PDE3B: variants seen among roughly 807,000 people sequenced by gnomAD.
The protein encoded by PDE3B is phosphodiesterase 3B, also known as cGMP-inhibited 3',5'-cyclic phosphodiesterase 3B.
PDE3B carries 66 observed loss-of-function variants against 116.8 expected under a neutral mutation model. That is an observed-to-expected ratio of 0.56 (90% CI 0.46 to 0.69). The LOEUF (loss-of-function observed/expected upper bound fraction) is 0.69. PDE3B is among the 30% of genes least tolerant of loss of function. The pLI, the probability that PDE3B is intolerant of heterozygous loss-of-function variation, is 0.00. For synonymous variants in PDE3B, 595 were observed against 533.6 expected (o/e 1.12, Z -1.59); for missense variants, 1,384 against 1,368.1 (o/e 1.01, Z -0.18).
intron 1 of PDE3B, among the ~76,000 whole-genome samples, chr11:14,666,907 C>T: frequency 6.6e-6 from 1 of 152,032 alleles, no homozygotes. Context: ...CTAGAAATAC[C>T]ATTTGACCCA....
intron 1 of PDE3B, among the ~76,000 whole-genome samples, chr11:14,724,059 A>G (rs774904809): frequency 6.6e-6 from 1 of 152,188 alleles, no homozygotes; most frequent in Non-Finnish European, 1.5e-5. Context: ...CATAGTGGCT[A>G]TGGGGAGACT....
intron 11 of PDE3B, among the ~76,000 whole-genome samples, chr11:14,835,541 T>C (rs377533768): frequency 3.5e-4 from 53 of 152,150 alleles, no homozygotes; most frequent in African/African-American, 1.3e-3. Flanking sequence ...AGTATTTCAA[T>C]GATGACATTA....
intron 1 of PDE3B, among the ~76,000 whole-genome samples, chr11:14,678,637 C>A (rs999185261): frequency 6.6e-6 from 1 of 152,042 alleles, no homozygotes; most frequent in African/African-American, 2.4e-5. Flanking sequence ...TATATATCAT[C>A]TTTGGTTAAG....
chr11:14,722,173 G>A (rs1856131910), intron 1 of PDE3B, among the ~76,000 whole-genome samples: 2 of 151,056 alleles, frequency 1.3e-5, no homozygotes, highest in South Asian at 4.2e-4. Flanking sequence ...ATAGGGGGAC[G>A]GGGGAGGGAA....
the PDE3B span, among the ~76,000 whole-genome samples, chr11:14,896,244 G>A: frequency 1.3e-5 from 2 of 152,156 alleles, no homozygotes; most frequent in African/African-American, 4.8e-5. Context: ...TCTTCCAAAT[G>A]CAGTAACAGA....
At chr11:14,798,364 T>A (rs2133928556) in intron 4 of PDE3B, among the ~76,000 whole-genome samples, 1 of 152,376 alleles carries the variant, frequency 6.6e-6, no homozygotes, top group Non-Finnish European at 1.5e-5. Context: ...CATATCGATG[T>A]TCACCAGGGA....
intron 12 of PDE3B, among the ~76,000 whole-genome samples, chr11:14,846,777 CAAG>C (rs1443958227): frequency 6.6e-6 from 1 of 152,090 alleles, no homozygotes; most frequent in Non-Finnish European, 1.5e-5. Context: ...ATCAATTCAA[CAAG>C]AAGAGCTAAC....
intron 1 of PDE3B, among the ~76,000 whole-genome samples, chr11:14,689,001 G>T (rs953262962): frequency 2.6e-5 from 4 of 152,148 alleles, no homozygotes; most frequent in Admixed American, 2.6e-4. Flanking sequence ...TCGAACTCCT[G>T]ACCTCAGGTG....
intron 1 of PDE3B, among the ~76,000 whole-genome samples, chr11:14,702,102 A>G (rs1330749354): frequency 6.6e-6 from 1 of 150,544 alleles, no homozygotes; most frequent in Non-Finnish European, 1.5e-5. Flanking sequence ...TTTTTCTCCT[A>G]TAGTTTATCT....
intron 1 of PDE3B, among the ~76,000 whole-genome samples, chr11:14,667,024 G>T (rs1590045712): frequency 6.6e-6 from 1 of 151,968 alleles, no homozygotes; most frequent in Admixed American, 6.6e-5. Context: ...GCAAAGACTT[G>T]GAACCAACCC....
chr11:14,673,151 T>C (rs1854423613), intron 1 of PDE3B, among the ~76,000 whole-genome samples: 1 of 152,016 alleles, frequency 6.6e-6, no homozygotes, highest in Admixed American at 6.6e-5. Context: ...GGATGGGCTC[T>C]TTACTTTAAG....
chr11:14,883,503 C>T, the PDE3B span, among the ~76,000 whole-genome samples: 1 of 151,214 alleles, frequency 6.6e-6, no homozygotes, highest in African/African-American at 2.4e-5. Context: ...GAAACTGGAT[C>T]CCTTCCTTAC....
At chr11:14,802,105 C>T (rs1858789831) in intron 4 of PDE3B, among the ~76,000 whole-genome samples, 1 of 152,214 alleles carries the variant, frequency 6.6e-6, no homozygotes, top group South Asian at 2.1e-4. Context: ...GACCACTTGG[C>T]TCCCTGGCTT....
chr11:14,895,112 A>G, the PDE3B span, among the ~76,000 whole-genome samples: 748 of 152,254 alleles, frequency 4.9e-3, 5 homozygotes, highest in African/African-American at 0.017. Context: ...ATCAAGTGAG[A>G]TTCTCCTGGG....
the PDE3B span, among the ~76,000 whole-genome samples, chr11:14,889,992 G>A: frequency 6.6e-6 from 1 of 152,058 alleles, no homozygotes; most frequent in Non-Finnish European, 1.5e-5. Flanking sequence ...AGCCGGGCGT[G>A]GTGGCGAGCA....
chr11:14,793,356 C>G (rs1858449247), intron 4 of PDE3B, among the ~76,000 whole-genome samples: 1 of 152,026 alleles, frequency 6.6e-6, no homozygotes, highest in Admixed American at 6.6e-5. Context: ...ATACACATAG[C>G]CTGAACGTGA....
the PDE3B span, among the ~76,000 whole-genome samples, chr11:14,889,813 C>T: frequency 5.9e-5 from 9 of 152,080 alleles, no homozygotes; most frequent in Non-Finnish European, 8.8e-5. Flanking sequence ...GGAGGTCGAA[C>T]AAATGTGTTC....
intron 1 of PDE3B, among the ~76,000 whole-genome samples, chr11:14,750,724 T>C (rs1857038183): frequency 6.6e-6 from 1 of 152,224 alleles, no homozygotes; most frequent in Admixed American, 6.5e-5. Flanking sequence ...AGGGGTCCAT[T>C]GTTCAAGAAG....
chr11:14,850,478 TAAAGTA>T (rs953591582), intron 12 of PDE3B, among the ~76,000 whole-genome samples: 4 of 152,030 alleles, frequency 2.6e-5, no homozygotes, highest in East Asian at 1.9e-4. Flanking sequence ...CCCTAAAACT[TAAAGTA>T]TAATAATAAT....
Sources: allele counts gnomAD v4.1 joint callset (sites outside exome capture counted in the v4.1 genomes callset), GRCh38; gene constraint gnomAD v4.1.1; transcripts MANE v1.5; gene names NCBI Gene and HGNC (gene_info 2026-07-23, HGNC 2026-07-21).